DLG2: variants seen among roughly 807,000 people sequenced by gnomAD.
DLG2 encodes discs large MAGUK scaffold protein 2.
Under a neutral mutation model 132.5 loss-of-function variants are expected in DLG2, and 45 were observed. The ratio of observed to expected loss-of-function variants is 0.34; its 90% CI spans 0.27 to 0.44. DLG2 has a LOEUF of 0.44. DLG2 is among the 20% of genes least tolerant of loss of function. The pLI is 1.00. For synonymous variants in DLG2, 424 were observed against 419.6 expected, an observed-to-expected ratio of 1.01 and a Z score of -0.13; for missense variants, 1,045 against 1,196.9, an observed-to-expected ratio of 0.87 and a Z score of 1.87.
At chr11:83,753,895 T>TGAA (rs1164149256) in intron 18 of DLG2, among the ~76,000 whole-genome samples, 2 of 127,078 alleles carry the variant, frequency 1.6e-5, no homozygotes, top group African/African-American at 6.5e-5. Flanking sequence ...ATATATATCA[T>TGAA]ATATATATTT....
chr11:83,763,641 A>G (rs1290680393), intron 18 of DLG2, among the ~76,000 whole-genome samples: 1 of 152,240 alleles, frequency 6.6e-6, no homozygotes, highest in Non-Finnish European at 1.5e-5. Context: ...CCACATTTTT[A>G]TATACCTGAA....
At chr11:84,729,841 C>A (rs1477154664) in intron 6 of DLG2, among the ~76,000 whole-genome samples, 2 of 151,952 alleles carry the variant, frequency 1.3e-5, no homozygotes, top group Non-Finnish European at 2.9e-5. Flanking sequence ...ATCTTTGAGT[C>A]CTGACCCAGC....
chr11:83,984,223 T>G (rs200421996), intron 11 of DLG2, among the ~76,000 whole-genome samples: 4 of 112,250 alleles, frequency 3.6e-5, no homozygotes, highest in African/African-American at 1.4e-4. Context: ...GATAGATAGA[T>G]AGATAGATAG....
intron 7 of DLG2, among the ~76,000 whole-genome samples, chr11:84,325,428 T>A (rs1370869528): frequency 1.3e-5 from 2 of 152,130 alleles, no homozygotes; most frequent in African/African-American, 4.8e-5. Context: ...GTTCTCTTTG[T>A]TCAACTCCCA....
intron 11 of DLG2, among the ~76,000 whole-genome samples, chr11:84,012,134 A>G (rs2094922652): frequency 6.6e-6 from 1 of 152,160 alleles, no homozygotes; most frequent in Non-Finnish European, 1.5e-5. Flanking sequence ...CAAGACTAAC[A>G]AAATCTGCTA....
intron 16 of DLG2, among the ~76,000 whole-genome samples, chr11:83,871,588 T>C (rs1540097): frequency 0.66 from 100,686 of 151,982 alleles, 33,566 homozygotes; most frequent in Middle Eastern, 0.82. Context: ...GGGAAACCTG[T>C]TAAAGACCCA....
chr11:84,699,583 T>C (rs2058990123), intron 6 of DLG2, among the ~76,000 whole-genome samples: 1 of 151,496 alleles, frequency 6.6e-6, no homozygotes, highest in Non-Finnish European at 1.5e-5. Context: ...CTCACCTGAT[T>C]TGGCCCTAAC....
intron 3 of DLG2, among the ~76,000 whole-genome samples, chr11:85,458,639 A>C (rs2092499831): frequency 6.6e-6 from 1 of 152,142 alleles, no homozygotes; most frequent in African/African-American, 2.4e-5. Context: ...GCTTTGTGCA[A>C]GGTCTTATTT....
chr11:83,661,346 C>T (rs1260715835), intron 18 of DLG2, among the ~76,000 whole-genome samples: 1 of 152,042 alleles, frequency 6.6e-6, no homozygotes, highest in East Asian at 1.9e-4. Context: ...GAGACAAACT[C>T]TGCATAGGAT....
chr11:84,892,898 GAAGAA>G (rs902333230), intron 6 of DLG2, among the ~76,000 whole-genome samples: 1 of 151,968 alleles, frequency 6.6e-6, no homozygotes, highest in Non-Finnish European at 1.5e-5. Context: ...GAAGAGAAGA[GAAGAA>G]AAAACAAACC....
At chr11:83,640,086 G>C (rs867207608) in intron 18 of DLG2, among the ~76,000 whole-genome samples, 2 of 152,126 alleles carry the variant, frequency 1.3e-5, no homozygotes, top group African/African-American at 4.8e-5. Context: ...CATTATAAAC[G>C]TGTGCAGCTT....
intron 19 of DLG2, among the ~76,000 whole-genome samples, chr11:83,595,739 A>C (rs968634360): frequency 6.6e-6 from 1 of 152,222 alleles, no homozygotes; most frequent in East Asian, 1.9e-4. Flanking sequence ...TCATTTTAAC[A>C]TGTAAAGTAT....
chr11:83,552,368 T>C (rs1226915556), intron 19 of DLG2, among the ~76,000 whole-genome samples: 1 of 151,954 alleles, frequency 6.6e-6, no homozygotes, highest in Non-Finnish European at 1.5e-5. Flanking sequence ...GAGGAAAGAG[T>C]GATCTCAGAG....
chr11:84,230,311 A>T (rs1012030394), intron 8 of DLG2, among the ~76,000 whole-genome samples: 1 of 152,078 alleles, frequency 6.6e-6, no homozygotes, highest in Non-Finnish European at 1.5e-5. Flanking sequence ...CACAACTATA[A>T]TTATCTGTTG....
chr11:83,463,468 A>G (rs2090432144), intron 26 of DLG2, among the ~76,000 whole-genome samples: 1 of 152,188 alleles, frequency 6.6e-6, no homozygotes, highest in African/African-American at 2.4e-5. Flanking sequence ...CTCTTCAGAG[A>G]AAGATAAATA....
chr11:84,708,711 C>A (rs1051288731), intron 6 of DLG2, among the ~76,000 whole-genome samples: 3 of 151,802 alleles, frequency 2.0e-5, no homozygotes, highest in Non-Finnish European at 4.4e-5. Context: ...ATTATAAAAC[C>A]CTTTTCTTTC....
At chr11:85,233,994 A>C (rs762752948) in intron 4 of DLG2, among the ~76,000 whole-genome samples, 5 of 151,836 alleles carry the variant, frequency 3.3e-5, no homozygotes, top group Admixed American at 6.6e-5. Context: ...TAGGATTGCA[A>C]AGTTTTCATT....
At position 85,462,403 on chromosome 11, in the gene DLG2, T is replaced by A. The variant is rs532824220; in HGVS notation, c.40+136254A>T. ...ATAGCAAAGACTTGGAACCAACCCATATGTCCGACAATGATAGACTGGATT... is the reference window on the plus strand; with the variant it reads ...ATAGCAAAGACTTGGAACCAACCCAAATGTCCGACAATGATAGACTGGATT... On this transcript the variant is annotated intron_variant, in intron 3 of 27. Coordinates refer to ENST00000376104, the MANE Select transcript of DLG2 (RefSeq NM_001142699.3). Among the ~76,000 whole-genome samples, 5 of 152,116 alleles carry A rather than the reference T, an allele frequency of 3.3e-5. No individual in the cohort carries two copies. The East Asian group carries it at 7.7e-4, about 23-fold the overall frequency.
At chr11:85,575,669 C>G (rs2078114763) in intron 3 of DLG2, among the ~76,000 whole-genome samples, 1 of 152,102 alleles carries the variant, frequency 6.6e-6, no homozygotes, top group African/African-American at 2.4e-5. Context: ...TTGCAGATAA[C>G]TATACAACTC....
Sources: gnomAD v4.1 joint callset for allele counts (sites outside exome capture counted in the v4.1 genomes callset) on GRCh38, gnomAD v4.1.1 for gene constraint, MANE v1.5 for transcripts, NCBI Gene and HGNC (gene_info 2026-07-23, HGNC 2026-07-21) for gene names.